Variants in KIF6 observed in about 807,000 individuals in gnomAD.
KIF6 encodes kinesin-like protein KIF6.
A neutral mutation model predicts 112.7 loss-of-function variants in KIF6; 106 were observed. The observed-to-expected ratio is 0.94, with a 90% CI of 0.80 to 1.11. KIF6 has a LOEUF of 1.11. Ranked by LOEUF, KIF6 falls within the 50% of genes least tolerant of loss-of-function variation. The probability of loss-of-function intolerance (pLI) is 0.00; values close to 1 mark genes in which losing one functional copy is unlikely to be tolerated. For synonymous variants in KIF6, 339 were observed against 339.9 expected (o/e 1.00, Z 0.03); for missense variants, 929 against 964.0 (o/e 0.96, Z 0.48).
chr6:39,722,770 A>G (rs532261247), intron 1 of KIF6, among the ~76,000 whole-genome samples: 43 of 152,310 alleles, frequency 2.8e-4, no homozygotes, highest in African/African-American at 9.6e-4. Flanking sequence ...ACAGGGATAT[A>G]CTAATTCAAT....
chr6:39,364,323 G>A (rs1765395471), intron 16 of KIF6, among the ~76,000 whole-genome samples: 1 of 152,110 alleles, frequency 6.6e-6, no homozygotes, highest in Non-Finnish European at 1.5e-5. Context: ...GTTTCACCAT[G>A]TTGGCCAGGA....
chr6:39,369,962 T>A (rs2150282025), intron 16 of KIF6, among the ~76,000 whole-genome samples: 1 of 152,284 alleles, frequency 6.6e-6, no homozygotes, highest in African/African-American at 2.4e-5. Flanking sequence ...CCCACAAGGT[T>A]CCCCTTTTTC....
At chr6:39,686,400 C>T (rs1305039068) in intron 3 of KIF6, among the ~76,000 whole-genome samples, 1 of 152,146 alleles carries the variant, frequency 6.6e-6, no homozygotes, top group East Asian at 1.9e-4. Flanking sequence ...CTAATTATGC[C>T]AATCACATGG....
intron 10 of KIF6, among the ~76,000 whole-genome samples, chr6:39,545,982 C>T (rs1426684805): frequency 2.6e-5 from 4 of 152,158 alleles, no homozygotes; most frequent in Non-Finnish European, 5.9e-5. Flanking sequence ...TGCCCCTGTG[C>T]CTGGCTGCTG....
chr6:39,652,132 A>C (rs1785504014), intron 3 of KIF6, among the ~76,000 whole-genome samples: 1 of 152,228 alleles, frequency 6.6e-6, no homozygotes, highest in South Asian at 2.1e-4. Flanking sequence ...AATAGTGTTC[A>C]CAAAATTCCG....
At chr6:39,527,636 C>G (rs1309263190) in intron 13 of KIF6, among the ~76,000 whole-genome samples, 2 of 152,076 alleles carry the variant, frequency 1.3e-5, no homozygotes, top group Non-Finnish European at 2.9e-5. Context: ...AAAAGAAGTT[C>G]CCATCTATTC....
intron 13 of KIF6, among the ~76,000 whole-genome samples, chr6:39,539,026 A>G (rs1246660839): frequency 1.5e-5 from 2 of 137,704 alleles, no homozygotes; most frequent in Admixed American, 8.2e-5. Flanking sequence ...ATGAGAACAC[A>G]TCGACACAGG....
chr6:39,436,257 A>C (rs908580800), intron 13 of KIF6, among the ~76,000 whole-genome samples: 1 of 151,718 alleles, frequency 6.6e-6, no homozygotes. Flanking sequence ...TAGATTCTGG[A>C]TATTACTGCT....
chr6:39,338,673 A>G (rs1359982213), intron 22 of KIF6, among the ~76,000 whole-genome samples: 1 of 152,176 alleles, frequency 6.6e-6, no homozygotes, highest in African/African-American at 2.4e-5. Flanking sequence ...AGTCAGGATC[A>G]CTGGGGTGGG....
At chr6:39,533,133 T>G (rs913812040) in intron 13 of KIF6, among the ~76,000 whole-genome samples, 1 of 152,202 alleles carries the variant, frequency 6.6e-6, no homozygotes, top group Non-Finnish European at 1.5e-5. Flanking sequence ...TGGGTTCATC[T>G]CACTAGGGAG....
chr6:39,673,896 T>A (rs1786983280), intron 3 of KIF6, among the ~76,000 whole-genome samples: 1 of 152,026 alleles, frequency 6.6e-6, no homozygotes, highest in African/African-American at 2.4e-5. Context: ...GAAAGGCCAA[T>A]AATAAAAAAT....
chr6:39,584,285 G>A (rs890637933), intron 9 of KIF6, among the ~76,000 whole-genome samples: 3 of 151,488 alleles, frequency 2.0e-5, no homozygotes, highest in Admixed American at 6.6e-5. Flanking sequence ...TTAGCTGGTT[G>A]TGGCGGCGTG....
intron 13 of KIF6, among the ~76,000 whole-genome samples, chr6:39,460,536 TAAAAAAAAAAAA>T (rs759528125): frequency 7.0e-5 from 4 of 57,078 alleles, no homozygotes; most frequent in Non-Finnish European, 9.5e-5. Context: ...AAAAAAAAAG[TAAAAAAAAAAAA>T]AAAAAAAAAA....
At chr6:39,364,346 C>G (rs1765397495) in intron 16 of KIF6, among the ~76,000 whole-genome samples, 1 of 152,118 alleles carries the variant, frequency 6.6e-6, no homozygotes, top group African/African-American at 2.4e-5. Context: ...GTCTCGATCT[C>G]TTGACCTCAT....
Position 39,596,254 on chromosome 6 carries a change from T to C in KIF6, c.646A>G (p.Met216Val), listed in dbSNP as rs1782259404. The change falls in exon 7 of 23, where the codon ATG becomes GTG. Residue 216 changes from methionine (M) to valine (V), a missense_variant. Transcript: ENST00000287152. ...DTNRMIAETP[M>V]NQASTRSHCI... ...TGGGAACGGGTTGAAGCTTGGTTCA[T>C]AGGAGTCTATAAAAAAATTGCAAAA... The C allele has an allele frequency of 1.9e-6, 3 of 1,608,422 alleles. No individual in the cohort carries two copies. Among genetic ancestry groups the C allele is most frequent in the Non-Finnish European group, 2.5e-6 (3 of 1,177,808 alleles).
At chr6:39,418,595 G>A (rs1464987741) in intron 15 of KIF6, among the ~76,000 whole-genome samples, 2 of 152,146 alleles carry the variant, frequency 1.3e-5, no homozygotes, top group Non-Finnish European at 2.9e-5. Flanking sequence ...TTGAGGTGGT[G>A]CTAAGTTTCA....
intron 10 of KIF6, among the ~76,000 whole-genome samples, chr6:39,576,842 T>G (rs1298915166): frequency 6.6e-6 from 1 of 152,210 alleles, no homozygotes; most frequent in Admixed American, 6.5e-5. Flanking sequence ...TATATTAAAT[T>G]CCTTTTGTTA....
intron 3 of KIF6, among the ~76,000 whole-genome samples, chr6:39,681,960 A>G (rs1008553639): frequency 1.2e-5 from 1 of 86,376 alleles, no homozygotes; most frequent in Non-Finnish European, 2.5e-5. Flanking sequence ...TTTCTTTCAG[A>G]GAAAAAAAAT....
chr6:39,515,831 C>T (rs977420058), intron 13 of KIF6, among the ~76,000 whole-genome samples: 45 of 152,108 alleles, frequency 3.0e-4, no homozygotes, highest in African/African-American at 1.1e-3. Context: ...ATATCTAAAT[C>T]GACTGTGAGA....
Sources: gnomAD v4.1 joint callset for allele counts (sites outside exome capture counted in the v4.1 genomes callset) on GRCh38, gnomAD v4.1.1 for gene constraint, MANE v1.5 for transcripts, NCBI Gene and HGNC (gene_info 2026-07-23, HGNC 2026-07-21) for gene names.